GRIN3A: variants seen among roughly 807,000 people sequenced by gnomAD.
The protein encoded by GRIN3A is glutamate ionotropic receptor NMDA type subunit 3A.
Under a neutral mutation model 92.4 loss-of-function variants are expected in GRIN3A, and 47 were observed. That is an observed-to-expected ratio of 0.51 (90% CI 0.40 to 0.65). The LOEUF (loss-of-function observed/expected upper bound fraction) is 0.65. Among genes scored for constraint, GRIN3A ranks in the 30% least tolerant of loss-of-function variants. GRIN3A has a pLI of 0.00. For missense variants in GRIN3A, 1,324 were observed against 1,393.1 expected, an observed-to-expected ratio of 0.95 and a Z score of 0.79; for synonymous variants, 527 against 540.6, an observed-to-expected ratio of 0.97 and a Z score of 0.35.
intron 5 of GRIN3A, among the ~76,000 whole-genome samples, chr9:101,615,247 G>A (rs1182944098): frequency 4.7e-5 from 7 of 148,166 alleles, no homozygotes; most frequent in African/African-American, 1.5e-4. Context: ...GATTGAGGAA[G>A]AGTGATTAAA....
intron 2 of GRIN3A, among the ~76,000 whole-genome samples, chr9:101,681,390 C>T (rs1332517111): frequency 2.0e-5 from 3 of 152,150 alleles, no homozygotes; most frequent in East Asian, 1.9e-4. Context: ...AGTTGACATC[C>T]GCTCTGCATA....
intron 4 of GRIN3A, among the ~76,000 whole-genome samples, chr9:101,624,553 C>T (rs943001136): frequency 6.6e-6 from 1 of 152,086 alleles, no homozygotes; most frequent in East Asian, 1.9e-4. Context: ...AGGACATGAA[C>T]TCATCATTTT....
At chr9:101,644,714 A>G (rs1173792400) in intron 3 of GRIN3A, among the ~76,000 whole-genome samples, 1 of 151,912 alleles carries the variant, frequency 6.6e-6, no homozygotes, top group Non-Finnish European at 1.5e-5. Context: ...CAAATGTATT[A>G]TCTCTTTTTC....
intron 6 of GRIN3A, among the ~76,000 whole-genome samples, chr9:101,608,088 T>A (rs1226784867): frequency 6.6e-6 from 1 of 152,222 alleles, no homozygotes; most frequent in Non-Finnish European, 1.5e-5. Context: ...TACAAAATAG[T>A]TTCCTGTTCC....
intron 3 of GRIN3A, among the ~76,000 whole-genome samples, chr9:101,663,322 C>T (rs1290663563): frequency 4.0e-5 from 6 of 151,844 alleles, no homozygotes; most frequent in African/African-American, 1.5e-4. Flanking sequence ...TTATGTGCTC[C>T]TTTGATTAAT....
At position 101,678,205 on chromosome 9, in the gene GRIN3A, ATC is replaced by A. The variant is rs373115881; in HGVS notation, c.1305-7100_1305-7099del. On this transcript the variant is annotated intron_variant, in intron 2 of 8. Transcript: ENST00000361820. ...TGTCTTCTGCTCAAATCAGACATGT[ATC>A]TCTTACAGTGATCTTCATCACTTTG... Among the ~76,000 whole-genome samples, 37 of 152,320 alleles carry A rather than the reference ATC, an allele frequency of 2.4e-4. No homozygotes were observed. In the East Asian group the frequency reaches 6.8e-3, roughly 28 times the overall value.
intron 3 of GRIN3A, among the ~76,000 whole-genome samples, chr9:101,658,577 A>G (rs935787783): frequency 2.1e-5 from 3 of 142,052 alleles, no homozygotes; most frequent in Non-Finnish European, 3.2e-5. Context: ...TTTGGTTGGC[A>G]TTGTTAAAAT....
rs924952161 is a variant in GRIN3A, at chr9:101,670,183, C to A, written c.2229G>T (p.Arg743Ser). ...AIKPPKCWTG[R>S]FLMNLWAIFC... ...AAATGGCCCAAAGGTTCATTAGAAA[C>A]CTTCCAGTCCAACATTTTGGAGGTT... Residue 743 changes from arginine to serine, a missense_variant, in exon 3 of 9, where the codon AGG becomes AGT. Coordinates refer to ENST00000361820, the MANE Select transcript of GRIN3A (RefSeq NM_133445.3). 1.2e-6 allele frequency: 2 copies of A among 1,613,898 alleles called. No homozygotes were observed. The highest frequency in any genetic ancestry group is 1.7e-6 in the Non-Finnish European group (2 of 1,179,866).
At position 101,738,246 on chromosome 9, in the gene GRIN3A, G is replaced by A. The variant is rs950884688; in HGVS notation, c.-267C>T. 9.7e-6 allele frequency: 5 copies of A among 513,780 alleles called. No homozygotes were observed. Among genetic ancestry groups the A allele is most frequent in the Non-Finnish European group, 1.7e-5 (5 of 287,618 alleles). 31.8% of individuals were successfully genotyped at this position (513,780 alleles called of 1,614,324 possible). A position where few individuals can be genotyped will look rare whatever the true frequency, so the allele number is the denominator to read the frequency against. On this transcript the variant is annotated 5_prime_UTR_variant, in exon 1 of 9. Transcript: ENST00000361820. ...TGAGCAGGCAGGCGGGCGGGCCGGC[G>A]CCTGTCACCCGCAGCTGGAGCGCCC...
chr9:101,619,765 C>T (rs1344444419), intron 5 of GRIN3A, among the ~76,000 whole-genome samples: 1 of 152,200 alleles, frequency 6.6e-6, no homozygotes, highest in Non-Finnish European at 1.5e-5. Context: ...CATTATTGTG[C>T]AGTTACGTTA....
chr9:101,706,823 A>G (rs1829820220), intron 1 of GRIN3A, among the ~76,000 whole-genome samples: 1 of 152,224 alleles, frequency 6.6e-6, no homozygotes, highest in African/African-American at 2.4e-5. Context: ...AAAATGTGGA[A>G]CGTTGCACAC....
intron 3 of GRIN3A, among the ~76,000 whole-genome samples, chr9:101,640,799 G>A (rs955578399): frequency 2.6e-5 from 4 of 152,124 alleles, no homozygotes; most frequent in African/African-American, 9.7e-5. Context: ...TGCCTGCTGC[G>A]ATCCACGTAA....
At chr9:101,724,458 G>T (rs1418134966) in intron 1 of GRIN3A, among the ~76,000 whole-genome samples, 1 of 152,104 alleles carries the variant, frequency 6.6e-6, no homozygotes, top group Non-Finnish European at 1.5e-5. Flanking sequence ...GCTGACCTGC[G>T]CGCGCAGCCC....
At chr9:101,719,400 C>T (rs1829983560) in intron 1 of GRIN3A, among the ~76,000 whole-genome samples, 1 of 140,506 alleles carries the variant, frequency 7.1e-6, no homozygotes, top group African/African-American at 2.7e-5. Flanking sequence ...GCCCAGGCAA[C>T]AGTGTGAGAC....
At chr9:101,627,789 C>G (rs542312213) in intron 4 of GRIN3A, among the ~76,000 whole-genome samples, 7 of 152,264 alleles carry the variant, frequency 4.6e-5, no homozygotes, top group African/African-American at 1.7e-4. Context: ...TATCTTATTT[C>G]CTTTCTACAG....
intron 6 of GRIN3A, among the ~76,000 whole-genome samples, chr9:101,610,574 CATCTATCTATCTATCTATCT>C (rs145593614): frequency 4.3e-5 from 6 of 139,338 alleles, no homozygotes; most frequent in South Asian, 2.4e-4. Context: ...AGCTTGCATC[CATCTATCTATCTATCTATCT>C]ATCTATCTAT....
intron 6 of GRIN3A, among the ~76,000 whole-genome samples, chr9:101,605,757 G>C (rs759332212): frequency 6.6e-6 from 1 of 152,140 alleles, no homozygotes; most frequent in Non-Finnish European, 1.5e-5. Context: ...TTTACTTTTG[G>C]ACTGTTTCAA....
At chr9:101,599,920 C>A (rs1398810404) in intron 6 of GRIN3A, among the ~76,000 whole-genome samples, 2 of 152,204 alleles carry the variant, frequency 1.3e-5, no homozygotes, top group Non-Finnish European at 2.9e-5. Context: ...ACGTTAGCCA[C>A]AGTTTAGACT....
intron 3 of GRIN3A, among the ~76,000 whole-genome samples, chr9:101,645,437 C>A (rs1819576211): frequency 6.7e-6 from 1 of 150,164 alleles, no homozygotes; most frequent in Admixed American, 6.6e-5. Flanking sequence ...TTGTGAATAG[C>A]ACTGTAAGAA....
Sources: allele counts gnomAD v4.1 joint callset (sites outside exome capture counted in the v4.1 genomes callset), GRCh38; gene constraint gnomAD v4.1.1; transcripts MANE v1.5; gene names NCBI Gene and HGNC (gene_info 2026-07-23, HGNC 2026-07-21).